ASPRV1: variants seen among roughly 807,000 people sequenced by gnomAD.
The protein encoded by ASPRV1 is retroviral-like aspartic protease 1.
A neutral mutation model predicts 11.0 loss-of-function variants in ASPRV1; 7 were observed. The ratio of observed to expected loss-of-function variants is 0.64; its 90% confidence interval spans 0.36 to 1.20. The LOEUF is 1.20. Among genes scored for constraint, ASPRV1 ranks in the 50% most tolerant of loss-of-function variants. The probability of loss-of-function intolerance (pLI) is 0.02; values close to 1 mark genes in which losing one functional copy is unlikely to be tolerated. For missense variants in ASPRV1, 299 were observed against 320.0 expected (o/e 0.93, Z 0.50); for synonymous variants, 136 against 138.4 (o/e 0.98, Z 0.12).
the ASPRV1 span, among the ~76,000 whole-genome samples, chr2:70,022,386 C>CACACACAA: frequency 6.7e-6 from 1 of 149,458 alleles, no homozygotes; most frequent in Non-Finnish European, 1.5e-5. Context: ...CACACACACA[C>CACACACAA]ACACACAAAC....
chr2:70,081,758 A>AT, the ASPRV1 span, among the ~76,000 whole-genome samples: 1 of 151,672 alleles, frequency 6.6e-6, no homozygotes, highest in East Asian at 1.9e-4. Context: ...TAATGTTTTT[A>AT]TTTTTTTGTA....
chr2:69,966,102 G>A (rs940052258), upstream of ASPRV1, among the ~76,000 whole-genome samples: 1 of 152,216 alleles, frequency 6.6e-6, no homozygotes, highest in African/African-American at 2.4e-5. Context: ...TGTTTGGGGA[G>A]CAGTGGTCCT....
the ASPRV1 span, among the ~76,000 whole-genome samples, chr2:70,058,088 C>T: frequency 6.6e-6 from 1 of 152,160 alleles, no homozygotes; most frequent in South Asian, 2.1e-4. Context: ...TGGCCAAGCT[C>T]ATTTCTACCA....
chr2:69,933,944 G>A, the ASPRV1 span, among the ~76,000 whole-genome samples: 4 of 152,348 alleles, frequency 2.6e-5, no homozygotes, highest in South Asian at 2.1e-4. Flanking sequence ...GGCAATGAAT[G>A]TTATCTAAAA....
the ASPRV1 span, among the ~76,000 whole-genome samples, chr2:70,079,216 C>G: frequency 6.6e-6 from 1 of 151,988 alleles, no homozygotes; most frequent in Non-Finnish European, 1.5e-5. Context: ...GACATTCAAG[C>G]TAATAATGTA....
the ASPRV1 span, among the ~76,000 whole-genome samples, chr2:70,004,069 C>T: frequency 6.6e-6 from 1 of 152,146 alleles, no homozygotes; most frequent in Non-Finnish European, 1.5e-5. Context: ...AGAGGAATCC[C>T]ACACTGGCTT....
the ASPRV1 span, chr2:70,050,232 A>T: frequency 6.6e-6 from 1 of 152,210 alleles, no homozygotes; most frequent in South Asian, 2.1e-4. Flanking sequence ...ATGAGCCGAG[A>T]TCATGCCATT....
chr2:70,025,061 T>G, the ASPRV1 span, among the ~76,000 whole-genome samples: 4 of 152,186 alleles, frequency 2.6e-5, no homozygotes, highest in Non-Finnish European at 5.9e-5. Flanking sequence ...TCAATGTGAT[T>G]GGATGTATAA....
At chr2:69,983,935 C>A in the ASPRV1 span, among the ~76,000 whole-genome samples, 150 of 152,300 alleles carry the variant, frequency 9.8e-4, no homozygotes, top group African/African-American at 3.5e-3. Context: ...ACTGCCTCTG[C>A]CCAGAAGCAG....
the ASPRV1 span, chr2:70,085,848 C>T: frequency 0.23 from 34,614 of 152,228 alleles, 6,975 homozygotes; most frequent in African/African-American, 0.51. Flanking sequence ...GTCAGAGGCA[C>T]TGTAGTCTCT....
At chr2:70,043,839 C>A in the ASPRV1 span, among the ~76,000 whole-genome samples, 5 of 152,204 alleles carry the variant, frequency 3.3e-5, no homozygotes, top group Admixed American at 1.3e-4. Context: ...GCTCTCCAGA[C>A]AACATTGTGC....
the ASPRV1 span, among the ~76,000 whole-genome samples, chr2:69,952,010 A>G: frequency 6.6e-6 from 1 of 152,194 alleles, no homozygotes; most frequent in Admixed American, 6.5e-5. Flanking sequence ...CTCTGTTTAT[A>G]ATAGATTAAA....
chr2:70,020,080 A>C, the ASPRV1 span, among the ~76,000 whole-genome samples: 1 of 152,272 alleles, frequency 6.6e-6, no homozygotes, highest in African/African-American at 2.4e-5. Context: ...ATTTTTTAAA[A>C]ATCAAAAATA....
chr2:69,938,004 C>T, the ASPRV1 span: 1 of 1,265,174 alleles, frequency 7.9e-7, no homozygotes, highest in East Asian at 2.4e-5. Flanking sequence ...GCCTTTGCCT[C>T]CCAAAGTGCT....
At chr2:69,992,776 C>T in the ASPRV1 span, among the ~76,000 whole-genome samples, 69 of 152,262 alleles carry the variant, frequency 4.5e-4, no homozygotes, top group African/African-American at 1.6e-3. Context: ...TATCCTCCCC[C>T]TTTGGGAGAA....
the ASPRV1 span, among the ~76,000 whole-genome samples, chr2:70,084,232 A>C: frequency 2.6e-3 from 391 of 152,372 alleles, 2 homozygotes; most frequent in African/African-American, 9.0e-3. Flanking sequence ...TCTAGAGAAA[A>C]GAAATAAGTT....
At chr2:69,937,364 G>A in the ASPRV1 span, 35 of 1,613,068 alleles carry the variant, frequency 2.2e-5, no homozygotes, top group Non-Finnish European at 2.6e-5. Context: ...CGGCTCCACC[G>A]TCTCCTCGGA....
chr2:70,044,404 C>T, the ASPRV1 span, among the ~76,000 whole-genome samples: 2 of 152,150 alleles, frequency 1.3e-5, no homozygotes, highest in African/African-American at 4.8e-5. Flanking sequence ...TGGATGTGTG[C>T]CAGCACCCAC....
At chr2:69,977,836 G>A in the ASPRV1 span, among the ~76,000 whole-genome samples, 1 of 152,196 alleles carries the variant, frequency 6.6e-6, no homozygotes, top group Non-Finnish European at 1.5e-5. Context: ...CTCCAGAGGG[G>A]GGAGTGAAGA....
Sources: gnomAD v4.1 joint callset for allele counts (sites outside exome capture counted in the v4.1 genomes callset) on GRCh38, gnomAD v4.1.1 for gene constraint, MANE v1.5 for transcripts, NCBI Gene and HGNC (gene_info 2026-07-23, HGNC 2026-07-21) for gene names.